TNNT3: variants seen among roughly 807,000 people sequenced by gnomAD.
TNNT3 encodes the protein troponin T, fast skeletal muscle.
Under a neutral mutation model 54.2 loss-of-function variants are expected in TNNT3, and 36 were observed. That is an observed-to-expected ratio of 0.66 (90% CI 0.51 to 0.88). TNNT3 has a LOEUF of 0.88. Ranked by LOEUF, TNNT3 falls within the 40% of genes least tolerant of loss-of-function variation. The pLI, the probability that TNNT3 is intolerant of heterozygous loss-of-function variation, is 0.00. For missense variants in TNNT3, 291 were observed against 331.6 expected (o/e 0.88, Z 0.95); for synonymous variants, 120 against 109.7 (o/e 1.09, Z -0.59).
At chr11:1,925,191 C>T in intron 5 of TNNT3, 75 bp downstream of exon 5, 1 of 1,601,568 alleles carries the variant, frequency 6.2e-7, no homozygotes, top group South Asian at 1.1e-5. Context: ...TGACCTCCAC[C>T]CCGCCTCTAA....
In TNNT3 at chr11:1,926,420, T is replaced by G. The variant is rs749772907; in HGVS notation, c.68-275T>G. 1.1e-5 allele frequency: 17 copies of G among 1,612,792 alleles called. No homozygotes were observed. The South Asian group carries it at 1.9e-4, about 18-fold the overall frequency. On this transcript the variant is annotated intron_variant, in intron 5 of 15. Transcript: ENST00000278317. ...AACCTCGGACGCTTCTCCATTGACC[T>G]CTGACCCGCGGTTTTGCCTCTTGTT...
At chr11:1,924,362 T>C (rs939400302) in intron 4 of TNNT3, among the ~76,000 whole-genome samples, 3 of 152,160 alleles carry the variant, frequency 2.0e-5, no homozygotes, top group Non-Finnish European at 4.4e-5. Flanking sequence ...GGGGTGGCGG[T>C]TCTCAGGCCG....
chr11:1,934,647 C>T lies in TNNT3; in HGVS notation c.582C>T (p.Asp194=), dbSNP rs1166659679. Residue 194 remains aspartate, a synonymous_variant, in exon 13 of 16, where the codon GAC becomes GAT. Coordinates refer to ENST00000278317, the MANE Select transcript of TNNT3 (RefSeq NM_006757.4). ...KPLNIDHLGE[D]KLRDKAKELW... ...TCAACATCGATCACCTTGGTGAAGA[C>T]AAACTGAGGTGAGGGGTGGGTGTTG... The T allele has an allele frequency of 6.2e-7, 1 of 1,608,790 alleles. No individual in the cohort carries two copies. The highest frequency in any genetic ancestry group is 8.5e-7 in the Non-Finnish European group (1 of 1,178,086).
chr11:1,922,821 CT>C, intron 1 of TNNT3, 35 bp from the exon 2 acceptor site: 1 of 392,132 alleles, frequency 2.6e-6, no homozygotes. Context: ...TCTTTCCATC[CT>C]CTCTCTCTCT....
rs764698677 is a variant in TNNT3, at chr11:1,922,925, G to A, written c.17+34G>A. On this transcript the variant is annotated intron_variant, in intron 2 of 15. Transcript: ENST00000278317. ...CCAGCTGGTGGCTGCCCCCTGCCTG[G>A]CTCGGGACCCTGGCCCCTTGGCTTC... 5 of 1,613,644 alleles carry A rather than the reference G, an allele frequency of 3.1e-6. No individual in the cohort carries two copies. In the Admixed American group the frequency reaches 8.3e-5, roughly 27 times the overall value.
At chr11:1,925,193 C>T (rs367945356) in intron 5 of TNNT3, 77 bp downstream of exon 5, 293 of 1,601,674 alleles carry the variant, frequency 1.8e-4, no homozygotes, top group Non-Finnish European at 2.3e-4. Context: ...ACCTCCACCC[C>T]GCCTCTAAGG....
chr11:1,923,745 A>C (rs1850740925), intron 4 of TNNT3, among the ~76,000 whole-genome samples, 173 bp downstream of exon 4: 1 of 152,076 alleles, frequency 6.6e-6, no homozygotes, highest in Non-Finnish European at 1.5e-5. Flanking sequence ...ATTCATCATT[A>C]ATTAATGATA....
At position 1,929,361 on chromosome 11, in the gene TNNT3, T is replaced by C. The variant is rs2089911; in HGVS notation, c.106+218T>C. ...GCCTCGCGGGTGCCACCGCTCCAAG[T>C]TTCTGCCACACAGCGGAGGGGGAGT... is the stretch of plus-strand genomic sequence containing the variant. On this transcript the variant is annotated intron_variant, in intron 7 of 15. Transcript: ENST00000278317. Among the ~76,000 whole-genome samples the C allele has an allele frequency of 0.81, 122,845 of 151,848 alleles. 49,807 individuals are homozygous for C. The highest frequency in any genetic ancestry group is 0.92 in the East Asian group (4,754 of 5,146).
intron 1 of TNNT3, among the ~76,000 whole-genome samples, chr11:1,920,668 C>G (rs960218765): frequency 6.6e-6 from 1 of 152,174 alleles, no homozygotes; most frequent in Non-Finnish European, 1.5e-5. Context: ...GCCCTGGCCC[C>G]GTCACCTCCC....
At chr11:1,936,359 A>G in intron 14 of TNNT3, 1 of 1,335,302 alleles carries the variant, frequency 7.5e-7, no homozygotes, top group Non-Finnish European at 1.1e-6. Flanking sequence ...TGCTGGCGGC[A>G]GGGGGCCTGG....
intron 4 of TNNT3, 34 bp from the exon 5 acceptor site, chr11:1,925,065 G>T (rs773692877): frequency 1.9e-6 from 3 of 1,611,548 alleles, no homozygotes; most frequent in Non-Finnish European, 2.5e-6. Flanking sequence ...CCTCAACCCC[G>T]CCTTCTCCTG....
chr11:1,936,952 G>A lies in TNNT3; in HGVS notation c.682-11G>A, dbSNP rs202184531. 1.1e-5 allele frequency: 18 copies of A among 1,604,790 alleles called. No homozygotes were observed. The African/African-American group carries it at 2.3e-4, about 20-fold the overall frequency. On this transcript the variant is annotated splice_polypyrimidine_tract_variant and intron_variant, in intron 14 of 15. Transcript: ENST00000278317. ...CGGGTCGTCGCAGTGAGTCACTCATGTTGTTCACAGATCACCACGCTCAGG... is the reference window on the plus strand; with the variant it reads ...CGGGTCGTCGCAGTGAGTCACTCATATTGTTCACAGATCACCACGCTCAGG...
intron 11 of TNNT3, 96 bp downstream of exon 11, chr11:1,934,104 A>G (rs1854245659): frequency 5.8e-6 from 8 of 1,372,066 alleles, no homozygotes; most frequent in Admixed American, 1.9e-5. Flanking sequence ...CGGGGTTCCC[A>G]TTGTCATTGG....
At chr11:1,935,230 G>T (rs1025658792) in intron 14 of TNNT3, 1 of 471,456 alleles carries the variant, frequency 2.1e-6, no homozygotes, top group Non-Finnish European at 3.9e-6. Flanking sequence ...TGGACTCAGG[G>T]TTCATTTTCG....
chr11:1,936,385 C>T (rs1855047984), intron 14 of TNNT3: 1 of 1,011,164 alleles, frequency 9.9e-7, no homozygotes, highest in African/African-American at 1.6e-5. Flanking sequence ...TCCTCCTGCC[C>T]CCGCTCTCCC....
chr11:1,923,254 G>A (rs1850564972), intron 3 of TNNT3, among the ~76,000 whole-genome samples, 193 bp downstream of exon 3: 1 of 152,072 alleles, frequency 6.6e-6, no homozygotes, highest in Non-Finnish European at 1.5e-5. Context: ...CCGAAGTGTG[G>A]CCACATGGTC....
chr11:1,926,469 G>C, intron 5 of TNNT3: 2 of 1,613,250 alleles, frequency 1.2e-6, no homozygotes, highest in Non-Finnish European at 1.7e-6. Flanking sequence ...GGCCCGTGAA[G>C]TTCATGAACC....
rs585405 is a variant in TNNT3, at chr11:1,935,112, G to A, written c.681+193G>A. ...CTGCTGGGGACTGTGGCCAGAGCCC[G>A]TCCTCCTGGCTGGCCATGCAGCGCC... On this transcript the variant is annotated intron_variant, in intron 14 of 15. Transcript: ENST00000278317. 3.6e-4 allele frequency: 238 copies of A among 662,672 alleles called. 1 individual carries two copies. In the African/African-American group the frequency reaches 3.8e-3, roughly 11 times the overall value. The allele number at this position is 662,672 out of a possible 1,614,324, so 41.0% of individuals were successfully genotyped here. A position where few individuals can be genotyped will look rare whatever the true frequency, so the allele number is the denominator to read the frequency against.
intron 14 of TNNT3, 21 bp downstream of exon 14, chr11:1,934,940 C>T (rs770994786): frequency 4.3e-6 from 7 of 1,610,440 alleles, no homozygotes; most frequent in Non-Finnish European, 4.2e-6. Context: ...GCACCTCCGG[C>T]CCTGGGGCCC....
Sources: allele counts gnomAD v4.1 joint callset (sites outside exome capture counted in the v4.1 genomes callset), GRCh38; gene constraint gnomAD v4.1.1; transcripts MANE v1.5; gene names NCBI Gene and HGNC (gene_info 2026-07-23, HGNC 2026-07-21).